FCRL2: variants seen among roughly 807,000 people sequenced by gnomAD.
The protein encoded by FCRL2 is Fc receptor like 2.
In FCRL2, 48 loss-of-function variants were observed where a neutral mutation model predicts 59.8. That is an observed-to-expected ratio of 0.80 (90% CI 0.64 to 1.02). The LOEUF (loss-of-function observed/expected upper bound fraction) is 1.02. Ranked by LOEUF, FCRL2 falls within the 50% of genes least tolerant of loss-of-function variation. The probability of loss-of-function intolerance (pLI) is 0.00; values close to 1 mark genes in which losing one functional copy is unlikely to be tolerated. For missense variants in FCRL2, 658 were observed against 597.3 expected (o/e 1.10, Z -1.06); for synonymous variants, 251 against 229.5 (o/e 1.09, Z -0.85).
chr1:157,747,287 A>G lies in FCRL2; in HGVS notation c.1460-388T>C, dbSNP rs557196336. Among the ~76,000 whole-genome samples the G allele has an allele frequency of 3.3e-5, 5 of 152,284 alleles. No individual in the cohort carries two copies. The South Asian group carries it at 1.0e-3, about 32-fold the overall frequency. On this transcript the variant is annotated intron_variant, in intron 10 of 11. Coordinates refer to ENST00000361516, the MANE Select transcript of FCRL2 (RefSeq NM_030764.4). ...CATAGAAGGAAATTGGAATAGAAGCATAGATAACAGAAGACAGACTCTGAA... is the reference window on the plus strand; with the variant it reads ...CATAGAAGGAAATTGGAATAGAAGCGTAGATAACAGAAGACAGACTCTGAA...
chr1:157,757,969 A>G (rs1342244079), intron 7 of FCRL2, among the ~76,000 whole-genome samples: 2 of 152,202 alleles, frequency 1.3e-5, no homozygotes, highest in African/African-American at 4.8e-5. Context: ...CTCGAAAAAA[A>G]AGAAAATTAG....
At chr1:157,757,528 T>C (rs1456492141) in intron 7 of FCRL2, among the ~76,000 whole-genome samples, 2 of 152,176 alleles carry the variant, frequency 1.3e-5, no homozygotes, top group African/African-American at 2.4e-5. Flanking sequence ...GCTCTTTCTC[T>C]CTGCATGTAC....
At chr1:157,774,048 T>A (rs905630935) in intron 2 of FCRL2, among the ~76,000 whole-genome samples, 1 of 152,200 alleles carries the variant, frequency 6.6e-6, no homozygotes, top group African/African-American at 2.4e-5. Flanking sequence ...TGAATAATGT[T>A]TTTTCACAAG....
At chr1:157,759,646 G>C (rs1648873198) in intron 7 of FCRL2, among the ~76,000 whole-genome samples, 1 of 152,210 alleles carries the variant, frequency 6.6e-6, no homozygotes, top group Admixed American at 6.5e-5. Context: ...GACATGAACA[G>C]ACACTTCTCC....
At chr1:157,748,669 C>G (rs760491221) in intron 9 of FCRL2, 51 bp from the exon 10 acceptor site, 19 of 1,487,612 alleles carry the variant, frequency 1.3e-5, no homozygotes, top group Non-Finnish European at 1.8e-5. Flanking sequence ...AGGGTTCACA[C>G]TTCATACACA....
At chr1:157,748,233 A>C (rs1328000378) in intron 10 of FCRL2, among the ~76,000 whole-genome samples, 1 of 152,068 alleles carries the variant, frequency 6.6e-6, no homozygotes, top group Non-Finnish European at 1.5e-5. Context: ...AGCCATGGTG[A>C]AACCCTGTCT....
At chr1:157,770,819 T>A (rs1649956776) in intron 2 of FCRL2, among the ~76,000 whole-genome samples, 153 bp from the exon 3 acceptor site, 2 of 152,236 alleles carry the variant, frequency 1.3e-5, no homozygotes, top group Admixed American at 1.3e-4. Flanking sequence ...TTTCATCCCA[T>A]GTTTCCTGAG....
chr1:157,770,073 T>C lies in FCRL2; in HGVS notation c.388A>G (p.Thr130Ala), dbSNP rs1649879741. ...EGGPVSLKCE[T>A]RLSPQRLDVQ... ...TCCAACCTCTGTGGAGAGAGCCGGG[T>C]CTCACATTTCAGGCTCACTGGACCC... is the stretch of plus-strand genomic sequence containing the variant. The change falls in exon 4 of 12, where the codon ACC (threonine) becomes GCC (alanine). Residue 130 changes from threonine (T) to alanine (A), a missense_variant. Physicochemically the swap from Thr to Ala is moderately conservative, Grantham distance 58. Coordinates refer to ENST00000361516, the MANE Select transcript of FCRL2 (RefSeq NM_030764.4). The C allele has an allele frequency of 1.9e-6, 3 of 1,613,860 alleles. No individual in the cohort carries two copies. Among genetic ancestry groups the C allele is most frequent in the South Asian group, 1.1e-5 (1 of 91,072 alleles).
At position 157,768,423 on chromosome 1, in the gene FCRL2, G is replaced by A. The variant is rs1649695521; in HGVS notation, c.874C>T (p.Pro292Ser). The change falls in exon 5 of 12, where the codon CCT becomes TCT. Residue 292 changes from proline (P) to serine (S), a missense_variant. By Grantham distance (74) the Pro-to-Ser change is moderately conservative (BLOSUM62 -1). Coordinates refer to ENST00000361516, the MANE Select transcript of FCRL2 (RefSeq NM_030764.4). ...TGAGAGTGTCACTCACTTCTCACAG[G>A]GATATTCACCACCTTGCTCTGGATA... Reference protein sequence around the residue: ...VPIQSKVVNIPVRIPVSRPVL... With the variant: ...VPIQSKVVNISVRIPVSRPVL... 1.2e-6 allele frequency: 2 copies of A among 1,613,372 alleles called. No homozygotes were observed. The highest frequency in any genetic ancestry group is 2.7e-5 in the African/African-American group (2 of 74,898).
At chr1:157,758,397 T>A (rs1571264611) in intron 7 of FCRL2, among the ~76,000 whole-genome samples, 1 of 151,706 alleles carries the variant, frequency 6.6e-6, no homozygotes, top group African/African-American at 2.4e-5. Flanking sequence ...AGGGAAAAAA[T>A]ACCTAGGAAT....
Position 157,775,898 on chromosome 1 carries a change from TC to T in FCRL2, c.32-104del, listed in dbSNP as rs1650374562. 2.3e-6 allele frequency: 3 copies of T among 1,285,932 alleles called. No homozygotes were observed. The East Asian group carries it at 7.5e-5, about 32-fold the overall frequency. The allele number at this position is 1,285,932 out of a possible 1,614,324, so 79.7% of individuals were successfully genotyped here. A position where few individuals can be genotyped will look rare whatever the true frequency, so the allele number is the denominator to read the frequency against. The stretch of plus-strand genomic sequence containing the variant: ...ATTGCTCAAAAACTTCTTTCCATTT[TC>T]CCTTTCTTTTCTATTTCCCTAATCT... On this transcript the variant is annotated intron_variant, in intron 1 of 11. Transcript: ENST00000361516.
chr1:157,770,429 A>G lies in FCRL2; in HGVS notation c.290T>C (p.Ile97Thr), dbSNP rs778871012. 5.0e-6 allele frequency: 8 copies of G among 1,613,592 alleles called. No homozygotes were observed. Among genetic ancestry groups the G allele is most frequent in the Middle Eastern group, 1.6e-4 (1 of 6,082 alleles). ...QLFLWDKTSN[I>T]VKIKVQELFQ... Reference sequence around the variant, plus strand: ...TTTACCTTGGACTTTTATCTTTACTATATTTGAAGTTTTATCCCAGAGAAA... The same window carrying G: ...TTTACCTTGGACTTTTATCTTTACTGTATTTGAAGTTTTATCCCAGAGAAA... The change falls in exon 3 of 12, where the codon ATA becomes ACA. Residue 97 changes from isoleucine (I) to threonine (T), a missense_variant. By Grantham distance (89) the Ile-to-Thr change is moderately conservative (BLOSUM62 -1). Transcript: ENST00000361516.
At chr1:157,758,652 G>C (rs1372578789) in intron 7 of FCRL2, among the ~76,000 whole-genome samples, 10 of 73,632 alleles carry the variant, frequency 1.4e-4, no homozygotes, top group Admixed American at 3.0e-4. Context: ...AACCAAAAAA[G>C]AGCCCAAATA....
chr1:157,766,769 T>C (rs2101731907), intron 7 of FCRL2, 86 bp downstream of exon 7: 1 of 1,576,070 alleles, frequency 6.3e-7, no homozygotes, highest in East Asian at 2.3e-5. Flanking sequence ...AGTTTTCTTT[T>C]CTCTCTTCTT....
rs753403554 is a variant in FCRL2 at position 157,767,582 on chromosome 1, G to GCTCA, written c.884-77_884-74dup. ...AGATTCACAAACTCCCAACCTGCAG[G>GCTCA]CTCAGCAAAGGGCCTGGCCCCATGG... On this transcript the variant is annotated intron_variant, in intron 5 of 11. Coordinates refer to ENST00000361516, the MANE Select transcript of FCRL2 (RefSeq NM_030764.4). The GCTCA allele has an allele frequency of 1.4e-5, 22 of 1,614,182 alleles. No individual in the cohort carries two copies. The South Asian group carries it at 2.4e-4, about 18-fold the overall frequency.
rs1157917465 is a variant in FCRL2 at position 157,745,916 on chromosome 1, A to AT, written c.*819dup. On this transcript the variant is annotated 3_prime_UTR_variant, in exon 12 of 12. Transcript: ENST00000361516. The stretch of plus-strand genomic sequence containing the variant: ...TGCTGCAATAAAGCAAGTCACACAG[A>AT]TTTTTTGGTTTCCCAGTGCATATAA... 11 of 152,174 alleles carry AT rather than the reference A, an allele frequency of 7.2e-5. No homozygotes were observed. The South Asian group carries it at 1.4e-3, about 20-fold the overall frequency. The allele number at this position is 152,174 out of a possible 1,614,324, so 9.4% of individuals were successfully genotyped here.
At chr1:157,767,996 AC>A (rs1284342064) in intron 5 of FCRL2, 2 of 245,730 alleles carry the variant, frequency 8.1e-6, no homozygotes, top group Non-Finnish European at 1.5e-5. Context: ...CCAGTAAATC[AC>A]CAATAACATG....
In FCRL2 at chr1:157,761,288, C is replaced by T. The variant is rs371845730; in HGVS notation, c.1279+5567G>A. Reference sequence around the variant, plus strand: ...ACTGGCTGAGTGAGCACAAAAAAACCCACTTAAATTCCCCAAGGTTGTTAG... The same window carrying T: ...ACTGGCTGAGTGAGCACAAAAAAACTCACTTAAATTCCCCAAGGTTGTTAG... On this transcript the variant is annotated intron_variant, in intron 7 of 11. Coordinates refer to ENST00000361516, the MANE Select transcript of FCRL2 (RefSeq NM_030764.4). Among the ~76,000 whole-genome samples, 9 of 152,228 alleles carry T rather than the reference C, an allele frequency of 5.9e-5. No individual in the cohort carries two copies. In the East Asian group the frequency reaches 1.5e-3, roughly 26 times the overall value.
At chr1:157,765,537 T>A (rs1649427403) in intron 7 of FCRL2, among the ~76,000 whole-genome samples, 1 of 152,116 alleles carries the variant, frequency 6.6e-6, no homozygotes. Flanking sequence ...GACACAAAGA[T>A]CTTCAACAAA....
Sources: gnomAD v4.1 joint callset for allele counts (sites outside exome capture counted in the v4.1 genomes callset) on GRCh38, gnomAD v4.1.1 for gene constraint, MANE v1.5 for transcripts, NCBI Gene and HGNC (gene_info 2026-07-23, HGNC 2026-07-21) for gene names.